Variants in CCDC62 observed in about 807,000 individuals in gnomAD.
CCDC62 encodes the protein coiled-coil domain-containing protein 62.
Under a neutral mutation model 80.8 loss-of-function variants are expected in CCDC62, and 72 were observed. The ratio of observed to expected loss-of-function variants is 0.89; its 90% CI spans 0.74 to 1.08. The LOEUF (loss-of-function observed/expected upper bound fraction) is 1.08. CCDC62 is among the 50% of genes least tolerant of loss of function. The pLI is 0.00. For missense variants in CCDC62, 704 were observed against 809.4 expected (o/e 0.87, Z 1.58); for synonymous variants, 286 against 296.5 (o/e 0.96, Z 0.36).
At position 122,809,747 on chromosome 12, in the gene CCDC62, C is replaced by G. The variant is rs2031786856; in HGVS notation, c.1851+3452C>G. Among the ~76,000 whole-genome samples, 2 of 152,222 alleles carry G rather than the reference C, an allele frequency of 1.3e-5. 1 individual carries two copies. Among genetic ancestry groups the G allele is most frequent in the South Asian group, 4.1e-4 (2 of 4,834 alleles). ...GCCAAAAGAACAAAGCTAGAGGCAT[C>G]ACGCTACCTGACTTCAAACTATACT... On this transcript the variant is annotated intron_variant, in intron 10 of 12. Coordinates refer to ENST00000253079, the MANE Select transcript of CCDC62 (RefSeq NM_201435.5).
chr12:122,810,900 C>T (rs1192823036), intron 10 of CCDC62, among the ~76,000 whole-genome samples: 2 of 151,908 alleles, frequency 1.3e-5, no homozygotes, highest in Non-Finnish European at 2.9e-5. Context: ...AACCATCATT[C>T]TCAGCAAACT....
intron 2 of CCDC62, among the ~76,000 whole-genome samples, chr12:122,778,897 CAAAA>C (rs1292195333): frequency 2.7e-5 from 4 of 148,000 alleles, no homozygotes; most frequent in African/African-American, 1.0e-4. Context: ...AAGAAACAAA[CAAAA>C]AACCCAAATA....
intron 3 of CCDC62, among the ~76,000 whole-genome samples, chr12:122,783,928 G>T (rs986234301): frequency 1.3e-5 from 2 of 152,128 alleles, no homozygotes; most frequent in African/African-American, 4.8e-5. Context: ...AACATTAGGG[G>T]TCACTCTTTG....
intron 4 of CCDC62, among the ~76,000 whole-genome samples, chr12:122,787,075 C>G (rs2030294230): frequency 6.6e-6 from 1 of 152,196 alleles, no homozygotes; most frequent in Admixed American, 6.5e-5. Flanking sequence ...ATAGCAAACT[C>G]TGGCAAAGCT....
At chr12:122,794,426 C>A (rs932317362) in intron 6 of CCDC62, among the ~76,000 whole-genome samples, 5 of 152,084 alleles carry the variant, frequency 3.3e-5, no homozygotes, top group African/African-American at 1.2e-4. Context: ...AACTGCTGGG[C>A]TCAAGAGATC....
chr12:122,781,629 G>A (rs913655410), intron 3 of CCDC62, among the ~76,000 whole-genome samples: 1 of 151,568 alleles, frequency 6.6e-6, no homozygotes, highest in Non-Finnish European at 1.5e-5. Context: ...AGGTTGCGGT[G>A]AGCCAAGATC....
chr12:122,812,781 A>AG lies in CCDC62; in HGVS notation c.1852-489_1852-488insG, dbSNP rs1566086652. On this transcript the variant is annotated intron_variant, in intron 10 of 12. Coordinates refer to ENST00000253079, the MANE Select transcript of CCDC62 (RefSeq NM_201435.5). ...GGAGAGAGAGAGAGAGAGAGAGAGA[A>AG]AGAAAGAAAGAAAGAAAGAAAGAAA... Among the ~76,000 whole-genome samples, 415 of 83,070 alleles carry AG rather than the reference A, an allele frequency of 5.0e-3. 8 individuals carry two copies. The highest frequency in any genetic ancestry group is 0.021 in the African/African-American group (284 of 13,764). The allele number at this position is 83,070 out of a possible 152,430, so 54.5% of individuals were successfully genotyped here. A position where few individuals can be genotyped will look rare whatever the true frequency, so the allele number is the denominator to read the frequency against.
intron 3 of CCDC62, among the ~76,000 whole-genome samples, chr12:122,783,584 A>C (rs1485032463): frequency 6.6e-6 from 1 of 152,102 alleles, no homozygotes; most frequent in East Asian, 1.9e-4. Flanking sequence ...ATGAGTCTTT[A>C]TTCATAATAG....
intron 7 of CCDC62, 146 bp from the exon 8 acceptor site, chr12:122,797,939 T>G: frequency 1.7e-6 from 1 of 592,296 alleles, no homozygotes; most frequent in Non-Finnish European, 3.0e-6. Context: ...AAAGGAAAAT[T>G]AAAAGCAGAC....
chr12:122,820,465 C>A (rs547398029), intron 11 of CCDC62, among the ~76,000 whole-genome samples: 1 of 152,114 alleles, frequency 6.6e-6, no homozygotes, highest in Non-Finnish European at 1.5e-5. Flanking sequence ...TGTTACCTGT[C>A]GGGGCTCTTG....
intron 11 of CCDC62, among the ~76,000 whole-genome samples, chr12:122,818,607 G>T (rs1294792505): frequency 2.0e-5 from 3 of 152,036 alleles, no homozygotes; most frequent in Non-Finnish European, 4.4e-5. Context: ...GGGCCATAGA[G>T]TGGGACACTG....
chr12:122,812,775 G>GAA (rs1440948996), intron 10 of CCDC62, among the ~76,000 whole-genome samples: 17,674 of 72,012 alleles, frequency 0.25, 1,893 homozygotes, highest in Middle Eastern at 0.34. Flanking sequence ...GAGAGAGAGA[G>GAA]AGAGAAAGAA....
At chr12:122,820,773 G>T (rs549612688) in intron 11 of CCDC62, among the ~76,000 whole-genome samples, 2 of 151,572 alleles carry the variant, frequency 1.3e-5, no homozygotes, top group Admixed American at 1.3e-4. Context: ...CCCAGGTGGC[G>T]GAGGTTGCAG....
At chr12:122,805,464 C>T (rs1170323740) in intron 9 of CCDC62, among the ~76,000 whole-genome samples, 1 of 147,670 alleles carries the variant, frequency 6.8e-6, no homozygotes, top group African/African-American at 2.5e-5. Flanking sequence ...CTGCCTCAGC[C>T]TCCTGAGTAG....
chr12:122,815,851 C>A (rs916801487), intron 11 of CCDC62, among the ~76,000 whole-genome samples: 4 of 152,078 alleles, frequency 2.6e-5, no homozygotes, highest in Non-Finnish European at 5.9e-5. Context: ...TGCCTTATTT[C>A]ATTTTCTTCC....
chr12:122,815,587 C>T (rs1195938692), intron 11 of CCDC62, among the ~76,000 whole-genome samples: 1 of 152,104 alleles, frequency 6.6e-6, no homozygotes, highest in Non-Finnish European at 1.5e-5. Context: ...GCTGGGACTA[C>T]AGGCGCCCGC....
rs752423115 is a variant in CCDC62, at chr12:122,792,128, CAG to C, written c.772+9_772+10del. ...GATGAATTGCTTTTTACTGGTAAAA[CAG>C]ATGATCGAATGTATTTGTAACCTAG... On this transcript the variant is annotated splice_region_variant and intron_variant, in intron 6 of 12. Coordinates refer to ENST00000253079, the MANE Select transcript of CCDC62 (RefSeq NM_201435.5). 8.4e-5 allele frequency: 130 copies of C among 1,540,102 alleles called. No individual in the cohort carries two copies. The highest frequency in any genetic ancestry group is 1.1e-4 in the Non-Finnish European group (126 of 1,113,590).
intron 10 of CCDC62, 107 bp downstream of exon 10, chr12:122,806,402 CCGT>C: frequency 1.5e-6 from 1 of 667,734 alleles, no homozygotes; most frequent in Non-Finnish European, 2.1e-6. Flanking sequence ...GGCTATTCCT[CCGT>C]TTTTTTTTTT....
At chr12:122,785,644 G>A (rs1439155590) in intron 3 of CCDC62, 75 bp from the exon 4 acceptor site, 3 of 969,192 alleles carry the variant, frequency 3.1e-6, no homozygotes, top group East Asian at 4.8e-5. Context: ...AGAAGTAAGC[G>A]CAGATTGTGG....
Sources: gnomAD v4.1 joint callset for allele counts (sites outside exome capture counted in the v4.1 genomes callset) on GRCh38, gnomAD v4.1.1 for gene constraint, MANE v1.5 for transcripts, NCBI Gene and HGNC (gene_info 2026-07-23, HGNC 2026-07-21) for gene names.